Variants in CDH20 observed in about 807,000 individuals in gnomAD.
CDH20 encodes cadherin 20, also known as cadherin-20.
Under a neutral mutation model 74.2 loss-of-function variants are expected in CDH20, and 29 were observed. That is an observed-to-expected ratio of 0.39 (90% CI 0.29 to 0.53). The LOEUF is 0.53. CDH20 is among the 20% of genes least tolerant of loss of function. The pLI, the probability that CDH20 is intolerant of heterozygous loss-of-function variation, is 0.69. For synonymous variants in CDH20, 469 were observed against 405.4 expected (o/e 1.16, Z -1.88); for missense variants, 988 against 1,048.3 (o/e 0.94, Z 0.79).
At chr18:61,361,644 A>C (rs1910698098) in intron 1 of CDH20, among the ~76,000 whole-genome samples, 1 of 152,236 alleles carries the variant, frequency 6.6e-6, no homozygotes, top group Non-Finnish European at 1.5e-5. Context: ...TGACCAGTTA[A>C]GTATAGAAAT....
intron 1 of CDH20, among the ~76,000 whole-genome samples, chr18:61,356,466 G>C (rs1910499115): frequency 2.6e-5 from 4 of 152,026 alleles, no homozygotes; most frequent in Admixed American, 2.6e-4. Flanking sequence ...CTAAAATGAA[G>C]GTTATATTAT....
At position 61,507,494 on chromosome 18, in the gene CDH20, T is replaced by G. The variant is rs1170742157; in HGVS notation, c.951T>G (p.Asp317Glu). Reference sequence around the variant, plus strand: ...TGAAATATACTATTGTGGATGGAGATGGTGCAGATGCCTTTGACATTAGCA... The same window carrying G: ...TGAAATATACTATTGTGGATGGAGAGGGTGCAGATGCCTTTGACATTAGCA... ...AEMKYTIVDG[D>E]GADAFDISTD... Residue 317 changes from aspartate to glutamate, a missense_variant, in exon 6 of 12, where the codon GAT becomes GAG. Coordinates refer to ENST00000262717, the MANE Select transcript of CDH20 (RefSeq NM_031891.4). 1.9e-6 allele frequency: 3 copies of G among 1,614,094 alleles called. No individual in the cohort carries two copies. Among genetic ancestry groups the G allele is most frequent in the Non-Finnish European group, 2.5e-6 (3 of 1,179,966 alleles).
At chr18:61,384,542 CA>C (rs1455740251) in intron 1 of CDH20, among the ~76,000 whole-genome samples, 1 of 152,114 alleles carries the variant, frequency 6.6e-6, no homozygotes, top group Non-Finnish European at 1.5e-5. Flanking sequence ...CCTTTGTAGC[CA>C]AAAAGATTGG....
chr18:61,546,524 T>C (rs924151979), intron 10 of CDH20, among the ~76,000 whole-genome samples: 2 of 152,236 alleles, frequency 1.3e-5, no homozygotes, highest in Non-Finnish European at 2.9e-5. Flanking sequence ...ATCTGCTTCA[T>C]AGGGAAACTA....
intron 1 of CDH20, among the ~76,000 whole-genome samples, chr18:61,352,650 CCTT>C (rs1910346146): frequency 1.3e-5 from 2 of 152,162 alleles, no homozygotes; most frequent in Non-Finnish European, 1.5e-5. Context: ...ATAATAATTA[CCTT>C]AGTTGCTGGA....
Position 61,528,021 on chromosome 18 carries a change from C to A in CDH20, c.1072C>A (p.Pro358Thr). ...CACCTTAAAGGTGGAGGGAGCCAAT[C>A]CTCACCTAGAGATGCGTTTTCTGAA... ...SYTLKVEGANPHLEMRFLNLG... is the reference protein window; with the variant it reads ...SYTLKVEGANTHLEMRFLNLG... Residue 358 changes from proline to threonine, a missense_variant, in exon 7 of 12, where the codon CCT (proline) becomes ACT (threonine). This residue lies in a region of CDH20 where 613 missense variants were observed against 755.2 expected (regional missense o/e 0.81). Coordinates refer to ENST00000262717, the MANE Select transcript of CDH20 (RefSeq NM_031891.4). 3 of 1,614,016 alleles carry A rather than the reference C, an allele frequency of 1.9e-6. No homozygotes were observed. Among genetic ancestry groups the A allele is most frequent in the South Asian group, 2.2e-5 (2 of 91,074 alleles).
At chr18:61,401,029 C>A (rs1016333675) in intron 1 of CDH20, among the ~76,000 whole-genome samples, 1 of 152,176 alleles carries the variant, frequency 6.6e-6, no homozygotes, top group African/African-American at 2.4e-5. Context: ...GAAGGGCTGG[C>A]CCTCCCTGGA....
At chr18:61,498,525 C>T (rs1355518876) in intron 2 of CDH20, among the ~76,000 whole-genome samples, 3 of 152,130 alleles carry the variant, frequency 2.0e-5, no homozygotes, top group Non-Finnish European at 4.4e-5. Flanking sequence ...ACCCAAGAAC[C>T]AGTCCCATCT....
At chr18:61,385,557 G>A in intron 1 of CDH20, among the ~76,000 whole-genome samples, 1 of 150,502 alleles carries the variant, frequency 6.6e-6, no homozygotes, top group Non-Finnish European at 1.5e-5. Flanking sequence ...GAAAAAAAAT[G>A]AAATGAAAAG....
chr18:61,540,165 C>A (rs1398666060), intron 9 of CDH20, among the ~76,000 whole-genome samples: 2 of 152,214 alleles, frequency 1.3e-5, no homozygotes, highest in Middle Eastern at 3.4e-3. Flanking sequence ...CTACAGATCC[C>A]CTAATAGTCC....
At chr18:61,432,901 C>T (rs1913303894) in intron 1 of CDH20, among the ~76,000 whole-genome samples, 1 of 152,086 alleles carries the variant, frequency 6.6e-6, no homozygotes, top group South Asian at 2.1e-4. Flanking sequence ...ATTTATTATG[C>T]AAATAATACA....
At position 61,446,928 on chromosome 18, in the gene CDH20, G is replaced by A. The variant is rs201565706; in HGVS notation, c.-152-43474G>A. On this transcript the variant is annotated intron_variant, in intron 1 of 11. Transcript: ENST00000262717. ...CCACATGTGGAAACCAAGTAATTGTGTTACATCCACGAGAGCCATGAGATT... is the reference window on the plus strand; with the variant it reads ...CCACATGTGGAAACCAAGTAATTGTATTACATCCACGAGAGCCATGAGATT... Among the ~76,000 whole-genome samples, 12 of 152,290 alleles carry A rather than the reference G, an allele frequency of 7.9e-5. No homozygotes were observed. The East Asian group carries it at 2.1e-3, about 27-fold the overall frequency.
At chr18:61,510,173 T>C (rs756925428) in intron 6 of CDH20, among the ~76,000 whole-genome samples, 2 of 151,820 alleles carry the variant, frequency 1.3e-5, no homozygotes, top group Non-Finnish European at 2.9e-5. Context: ...ATAAAACAAA[T>C]GAGATTCCAA....
At chr18:61,535,651 T>A (rs1912795659) in intron 7 of CDH20, among the ~76,000 whole-genome samples, 1 of 152,202 alleles carries the variant, frequency 6.6e-6, no homozygotes, top group Non-Finnish European at 1.5e-5. Context: ...CTTGGAGAGC[T>A]CTGAAACTGT....
chr18:61,417,578 TAAAAAAAAAAAAA>T (rs545256689), intron 1 of CDH20, among the ~76,000 whole-genome samples: 2 of 62,364 alleles, frequency 3.2e-5, no homozygotes, highest in African/African-American at 8.0e-5. Context: ...ATGTGGGAGC[TAAAAAAAAAAAAA>T]AAAAAAAAAA....
chr18:61,538,711 C>T (rs576520900), intron 8 of CDH20, among the ~76,000 whole-genome samples: 1 of 150,302 alleles, frequency 6.7e-6, no homozygotes, highest in South Asian at 2.1e-4. Flanking sequence ...CTCCACCTCC[C>T]GGGTTCACGC....
At chr18:61,440,656 T>C (rs1908997384) in intron 1 of CDH20, among the ~76,000 whole-genome samples, 1 of 152,206 alleles carries the variant, frequency 6.6e-6, no homozygotes, top group Admixed American at 6.5e-5. Flanking sequence ...GAACAGTTTC[T>C]GGTCTTGGCT....
intron 1 of CDH20, among the ~76,000 whole-genome samples, chr18:61,403,827 C>T (rs534379518): frequency 2.6e-5 from 4 of 152,294 alleles, no homozygotes; most frequent in Admixed American, 2.6e-4. Flanking sequence ...CACCGCAGCA[C>T]TATTCACCAT....
intron 1 of CDH20, among the ~76,000 whole-genome samples, chr18:61,410,976 G>A (rs990745074): frequency 2.0e-5 from 3 of 152,214 alleles, no homozygotes; most frequent in East Asian, 1.9e-4. Flanking sequence ...TGAGGCGGGC[G>A]GATCACAAGG....
Sources: gnomAD v4.1 joint callset for allele counts (sites outside exome capture counted in the v4.1 genomes callset) on GRCh38, gnomAD v4.1.1 for gene constraint, gnomAD v4.1.1 regional missense constraint, MANE v1.5 for transcripts, NCBI Gene and HGNC (gene_info 2026-07-23, HGNC 2026-07-21) for gene names.